EPHA6: variants seen among roughly 807,000 people sequenced by gnomAD.
EPHA6 encodes the protein EPH receptor A6, also known as ephrin type-A receptor 6.
Under a neutral mutation model 112.0 loss-of-function variants are expected in EPHA6, and 50 were observed. The ratio of observed to expected loss-of-function variants is 0.45; its 90% confidence interval spans 0.36 to 0.56. The LOEUF (loss-of-function observed/expected upper bound fraction) is 0.56. EPHA6 is among the 20% of genes least tolerant of loss of function. The pLI is 0.00. For synonymous variants in EPHA6, 529 were observed against 490.7 expected (o/e 1.08, Z -1.03); for missense variants, 1,280 against 1,417.4 (o/e 0.90, Z 1.56).
intron 3 of EPHA6, among the ~76,000 whole-genome samples, chr3:97,127,875 T>C (rs1045467651): frequency 6.6e-6 from 1 of 152,136 alleles, no homozygotes; most frequent in African/African-American, 2.4e-5. Flanking sequence ...CTTTAGTTTT[T>C]TTTTTTATTT....
intron 14 of EPHA6, among the ~76,000 whole-genome samples, chr3:97,644,984 A>T (rs1051685452): frequency 6.6e-6 from 1 of 151,758 alleles, no homozygotes; most frequent in African/African-American, 2.4e-5. Flanking sequence ...GACACAACCA[A>T]AAAAGAGAAT....
At chr3:96,827,500 T>C (rs2033739247) in intron 1 of EPHA6, among the ~76,000 whole-genome samples, 1 of 152,138 alleles carries the variant, frequency 6.6e-6, no homozygotes, top group African/African-American at 2.4e-5. Flanking sequence ...TAATATATCA[T>C]GCCTCAGAGG....
At chr3:97,358,002 A>G (rs1157158548) in intron 5 of EPHA6, among the ~76,000 whole-genome samples, 1 of 152,138 alleles carries the variant, frequency 6.6e-6, no homozygotes, top group Non-Finnish European at 1.5e-5. Context: ...GAGGTGGAAA[A>G]GGAGACAGGA....
intron 15 of EPHA6, among the ~76,000 whole-genome samples, chr3:97,725,313 C>G (rs1486453): frequency 6.6e-6 from 1 of 152,032 alleles, no homozygotes; most frequent in Admixed American, 6.6e-5. Context: ...GACCTTGCCC[C>G]ACACTAAACA....
At chr3:97,378,921 G>A (rs1171649085) in intron 5 of EPHA6, among the ~76,000 whole-genome samples, 1 of 152,136 alleles carries the variant, frequency 6.6e-6, no homozygotes, top group African/African-American at 2.4e-5. Context: ...GGTTAATGTT[G>A]AAATGAGTTA....
At chr3:96,969,028 T>C (rs541575639) in intron 2 of EPHA6, among the ~76,000 whole-genome samples, 1 of 151,872 alleles carries the variant, frequency 6.6e-6, no homozygotes, top group African/African-American at 2.4e-5. Context: ...TAATAATTTG[T>C]GAAATTAAAA....
At chr3:96,829,863 T>C (rs2033906951) in intron 1 of EPHA6, among the ~76,000 whole-genome samples, 1 of 152,014 alleles carries the variant, frequency 6.6e-6, no homozygotes, top group African/African-American at 2.4e-5. Context: ...TAGCTATTAC[T>C]GTAGTTCTTA....
intron 14 of EPHA6, among the ~76,000 whole-genome samples, chr3:97,642,200 G>C (rs1185031517): frequency 1.0e-5 from 1 of 100,482 alleles, no homozygotes; most frequent in African/African-American, 3.9e-5. Context: ...CACACGGCAG[G>C]GTATTCCAAC....
At chr3:97,309,877 G>A (rs971397934) in intron 5 of EPHA6, among the ~76,000 whole-genome samples, 1 of 151,590 alleles carries the variant, frequency 6.6e-6, no homozygotes, top group Non-Finnish European at 1.5e-5. Context: ...TAGAAGATGA[G>A]CATTTTTCAA....
intron 5 of EPHA6, among the ~76,000 whole-genome samples, chr3:97,283,466 T>C (rs951541726): frequency 6.6e-6 from 1 of 152,252 alleles, no homozygotes; most frequent in East Asian, 1.9e-4. Context: ...TAGGATACAG[T>C]TATCTAAACT....
intron 12 of EPHA6, among the ~76,000 whole-genome samples, chr3:97,593,633 A>G (rs1021876942): frequency 4.2e-4 from 64 of 152,340 alleles, no homozygotes; most frequent in African/African-American, 1.2e-3. Flanking sequence ...AGACTGGGAA[A>G]TCCAATAAAA....
rs1559755249 is a variant in EPHA6, at chr3:96,829,959, AC to A, written c.385+14952del. Among the ~76,000 whole-genome samples, 4 of 145,002 alleles carry A rather than the reference AC, an allele frequency of 2.8e-5. No homozygotes were observed. The East Asian group carries it at 8.0e-4, about 29-fold the overall frequency. ...CATGTGCGCGCGCGCGCACACACAC[AC>A]ACACACACACACACACACACACACA... On this transcript the variant is annotated intron_variant, in intron 1 of 17. Transcript: ENST00000389672.
chr3:97,668,911 CAAAAAAAAAAAAA>C (rs397990599), intron 14 of EPHA6, among the ~76,000 whole-genome samples: 934 of 31,936 alleles, frequency 0.029, 14 homozygotes, highest in African/African-American at 0.094. Context: ...GACTCTGTCT[CAAAAAAAAAAAAA>C]AAAAAAAAAA....
rs193135430 is a variant in EPHA6, at chr3:97,442,392, C to G, written c.1732-6176C>G. The stretch of plus-strand genomic sequence containing the variant: ...CTTGAGGCCAGGAGTTCAAGACCAG[C>G]CTGGCCAACATGGTGAAACCCCGTT... On this transcript the variant is annotated intron_variant, in intron 6 of 17. Coordinates refer to ENST00000389672, the MANE Select transcript of EPHA6 (RefSeq NM_001080448.3). Among the ~76,000 whole-genome samples the G allele has an allele frequency of 5.9e-5, 9 of 152,252 alleles. No individual in the cohort carries two copies. In the East Asian group the frequency reaches 1.5e-3, roughly 26 times the overall value.
intron 14 of EPHA6, among the ~76,000 whole-genome samples, chr3:97,639,745 T>C (rs570298098): frequency 4.6e-5 from 7 of 152,318 alleles, no homozygotes; most frequent in African/African-American, 1.4e-4. Flanking sequence ...TCTTGGCATT[T>C]TCTGTCTTAT....
At chr3:97,294,637 G>A (rs2080811039) in intron 5 of EPHA6, among the ~76,000 whole-genome samples, 1 of 152,020 alleles carries the variant, frequency 6.6e-6, no homozygotes, top group African/African-American at 2.4e-5. Context: ...GCAGTTTGGT[G>A]ATTTTCTGTA....
chr3:96,866,291 T>C (rs1431541226), intron 1 of EPHA6, among the ~76,000 whole-genome samples: 1 of 152,088 alleles, frequency 6.6e-6, no homozygotes, highest in African/African-American at 2.4e-5. Context: ...TGGTTTCGCA[T>C]CTTATAGCCA....
intron 3 of EPHA6, among the ~76,000 whole-genome samples, chr3:97,188,983 A>C (rs764096815): frequency 7.2e-5 from 11 of 151,840 alleles, no homozygotes; most frequent in Non-Finnish European, 1.5e-4. Context: ...TGCTATTATT[A>C]TATTTTATAA....
At position 96,979,304 on chromosome 3, in the gene EPHA6, G is replaced by A. The variant is rs1006763169; in HGVS notation, c.451-8026G>A. Among the ~76,000 whole-genome samples, 5 of 150,392 alleles carry A rather than the reference G, an allele frequency of 3.3e-5. No homozygotes were observed. In the East Asian group the frequency reaches 9.8e-4, roughly 30 times the overall value. On this transcript the variant is annotated intron_variant, in intron 2 of 17. Coordinates refer to ENST00000389672, the MANE Select transcript of EPHA6 (RefSeq NM_001080448.3). ...CTATGAGTGAGAACATGCGGTGTTT[G>A]GTTTTTTGTCCTTGCAATACTTTGC...
Sources: gnomAD v4.1 joint callset for allele counts (sites outside exome capture counted in the v4.1 genomes callset) on GRCh38, gnomAD v4.1.1 for gene constraint, MANE v1.5 for transcripts, NCBI Gene and HGNC (gene_info 2026-07-23, HGNC 2026-07-21) for gene names.